Variants in FHIT observed in about 807,000 individuals in gnomAD.
FHIT encodes fragile histidine triad diadenosine triphosphatase.
A neutral mutation model predicts 17.9 loss-of-function variants in FHIT; 19 were observed. The ratio of observed to expected loss-of-function variants is 1.06; its 90% CI spans 0.74 to 1.56. The LOEUF (loss-of-function observed/expected upper bound fraction) is 1.56. FHIT is among the 40% of genes most tolerant of loss of function. The pLI, the probability that FHIT is intolerant of heterozygous loss-of-function variation, is 0.00. For missense variants in FHIT, 248 were observed against 189.2 expected (o/e 1.31, Z -1.82); for synonymous variants, 81 against 69.7 (o/e 1.16, Z -0.81).
At chr3:59,853,280 TATG>T (rs1211655394) in intron 8 of FHIT, among the ~76,000 whole-genome samples, 1 of 152,220 alleles carries the variant, frequency 6.6e-6, no homozygotes, top group Non-Finnish European at 1.5e-5. Context: ...CATAGGCTAT[TATG>T]ATCTTCATTT....
At chr3:60,308,496 G>GTATATATATATATATATATATATA (rs5849349) in intron 5 of FHIT, among the ~76,000 whole-genome samples, 8 of 140,946 alleles carry the variant, frequency 5.7e-5, no homozygotes, top group South Asian at 4.8e-4. Context: ...AGGTGTATGT[G>GTATATATATATATATATATATATA]TATATATATA....
chr3:60,021,832 G>A (rs1422566809), intron 5 of FHIT, among the ~76,000 whole-genome samples: 2 of 152,178 alleles, frequency 1.3e-5, no homozygotes, highest in African/African-American at 4.8e-5. Flanking sequence ...CTACTGCAGT[G>A]TTTACTAGAG....
chr3:60,777,922 C>G (rs1700261366), intron 4 of FHIT, among the ~76,000 whole-genome samples: 1 of 152,068 alleles, frequency 6.6e-6, no homozygotes, highest in Non-Finnish European at 1.5e-5. Flanking sequence ...TGTTTTAAAC[C>G]TTGAACATTT....
intron 4 of FHIT, among the ~76,000 whole-genome samples, chr3:60,580,992 G>C (rs1553659531): frequency 6.6e-6 from 1 of 152,048 alleles, no homozygotes; most frequent in Non-Finnish European, 1.5e-5. Context: ...CTGGGGCGGT[G>C]GCTGAGATTG....
chr3:60,746,722 A>C (rs927746736), intron 4 of FHIT, among the ~76,000 whole-genome samples: 4 of 152,216 alleles, frequency 2.6e-5, no homozygotes, highest in Admixed American at 1.3e-4. Flanking sequence ...GTAGGGTATA[A>C]GAAAGAGACA....
intron 8 of FHIT, among the ~76,000 whole-genome samples, chr3:59,759,462 T>C (rs62239699): frequency 0.048 from 7,352 of 152,272 alleles, 232 homozygotes; most frequent in South Asian, 0.075. Context: ...CCCCTCACTA[T>C]AGATGGACCT....
At chr3:61,039,090 T>A (rs1044151780) in intron 3 of FHIT, among the ~76,000 whole-genome samples, 1 of 152,046 alleles carries the variant, frequency 6.6e-6, no homozygotes, top group African/African-American at 2.4e-5. Flanking sequence ...ATATATAAAG[T>A]AAAGATTATA....
chr3:60,232,557 C>G (rs552225508), intron 5 of FHIT, among the ~76,000 whole-genome samples: 1 of 152,304 alleles, frequency 6.6e-6, no homozygotes, highest in South Asian at 2.1e-4. Flanking sequence ...TTCCAACCCT[C>G]AAGACTTCCT....
chr3:59,924,968 G>C (rs935009438), intron 7 of FHIT, among the ~76,000 whole-genome samples: 3 of 152,146 alleles, frequency 2.0e-5, no homozygotes, highest in African/African-American at 7.2e-5. Flanking sequence ...TTGCTGTTTT[G>C]CCTGCCCTAC....
chr3:60,144,378 A>C (rs1056484218), intron 5 of FHIT, among the ~76,000 whole-genome samples: 2 of 152,174 alleles, frequency 1.3e-5, no homozygotes, highest in Non-Finnish European at 2.9e-5. Flanking sequence ...CCAAGGAGGT[A>C]GTTATTTTTA....
intron 3 of FHIT, among the ~76,000 whole-genome samples, chr3:60,842,171 A>G (rs1702743285): frequency 6.6e-6 from 1 of 152,162 alleles, no homozygotes; most frequent in South Asian, 2.1e-4. Context: ...GGATAACCCT[A>G]CAGTTGAGTA....
intron 3 of FHIT, among the ~76,000 whole-genome samples, chr3:60,946,122 T>C (rs1278904253): frequency 1.3e-5 from 2 of 152,156 alleles, no homozygotes; most frequent in Non-Finnish European, 2.9e-5. Context: ...AAAGTGAGGA[T>C]ACAGGAGGAT....
chr3:60,984,383 C>A (rs1343540560), intron 3 of FHIT, among the ~76,000 whole-genome samples: 1 of 152,114 alleles, frequency 6.6e-6, no homozygotes, highest in South Asian at 2.1e-4. Context: ...TTCTACTGAC[C>A]CTTCATTCCA....
chr3:60,345,420 C>T (rs1355088240), intron 5 of FHIT, among the ~76,000 whole-genome samples: 1 of 152,172 alleles, frequency 6.6e-6, no homozygotes, highest in African/African-American at 2.4e-5. Flanking sequence ...TGTTAAATAC[C>T]TACAATCACA....
At chr3:60,542,918 C>T (rs967450169) in intron 4 of FHIT, among the ~76,000 whole-genome samples, 4 of 152,064 alleles carry the variant, frequency 2.6e-5, no homozygotes, top group African/African-American at 9.7e-5. Flanking sequence ...CCACTTGGAA[C>T]TTTGTTTATA....
At chr3:60,135,133 G>T (rs184031060) in intron 5 of FHIT, among the ~76,000 whole-genome samples, 3 of 152,122 alleles carry the variant, frequency 2.0e-5, no homozygotes, top group Non-Finnish European at 4.4e-5. Flanking sequence ...CAGTGCCACA[G>T]GAACTCAAAG....
intron 4 of FHIT, among the ~76,000 whole-genome samples, chr3:60,676,901 G>T (rs2040633272): frequency 6.6e-6 from 1 of 152,040 alleles, no homozygotes; most frequent in African/African-American, 2.4e-5. Context: ...TTGAGACAGG[G>T]TCTCATAATG....
intron 1 of FHIT, among the ~76,000 whole-genome samples, chr3:61,231,204 T>C (rs1454105066): frequency 6.6e-6 from 1 of 152,186 alleles, no homozygotes; most frequent in Non-Finnish European, 1.5e-5. Context: ...AGTTAAAAAA[T>C]ACTCACTGGG....
At chr3:61,054,612 C>T (rs2365052) in intron 2 of FHIT, among the ~76,000 whole-genome samples, 77,762 of 152,014 alleles carry the variant, frequency 0.51, 23,367 homozygotes, top group East Asian at 0.84. Context: ...ATCAATATAA[C>T]TATTCTACTA....
Sources: allele counts gnomAD v4.1 joint callset (sites outside exome capture counted in the v4.1 genomes callset), GRCh38; gene constraint gnomAD v4.1.1; transcripts MANE v1.5; gene names NCBI Gene and HGNC (gene_info 2026-07-23, HGNC 2026-07-21).